Variants in MPDZ observed in about 807,000 individuals in gnomAD.
The protein encoded by MPDZ is multiple PDZ domain protein.
A neutral mutation model predicts 239.1 loss-of-function variants in MPDZ; 234 were observed. The ratio of observed to expected loss-of-function variants is 0.98; its 90% confidence interval spans 0.88 to 1.09. MPDZ has a LOEUF of 1.09. Ranked by LOEUF, MPDZ falls within the 50% of genes least tolerant of loss-of-function variation. The pLI is 0.00. For missense variants in MPDZ, 3,175 were observed against 2,510.0 expected (o/e 1.26, Z -5.66); for synonymous variants, 1,048 against 881.3 (o/e 1.19, Z -3.35).
Position 13,192,260 on chromosome 9 carries a change from TTGG to T in MPDZ, c.1836_1838del (p.His612del). 1 of 1,603,380 alleles carries T rather than the reference TTGG, an allele frequency of 6.2e-7. No individual in the cohort carries two copies. The highest frequency in any genetic ancestry group is 8.5e-7 in the Non-Finnish European group (1 of 1,174,108). ...GTTCTTTTAAGATATTCACCACATC[TTGG>T]TGATTTTCCCCAAGTAAAGTTATGC... On this transcript the variant is annotated inframe_deletion, in exon 15 of 47. Coordinates refer to ENST00000319217, the MANE Select transcript of MPDZ (RefSeq NM_001378778.1).
intron 3 of MPDZ, among the ~76,000 whole-genome samples, chr9:13,236,197 A>ATGTGTG (rs377695828): frequency 0.53 from 39,725 of 74,792 alleles, 12,920 homozygotes; most frequent in East Asian, 0.77. Flanking sequence ...TTCTGTATAT[A>ATGTGTG]TGTGTGTGTG....
In MPDZ at chr9:13,110,705, G is replaced by C. The variant is rs375299659; in HGVS notation, c.5760C>G (p.Ser1920=). The part of the protein sequence containing the change: ...GDRIVTICGT[S]TEGMTHTQAV... ...CTTGGGTGTGAGTCATGCCCTCAGT[G>C]GATGTGCCACAGATGGTGACAATCC... Residue 1920 remains serine, a synonymous_variant, in exon 44 of 47, where the codon TCC becomes TCG. Coordinates refer to ENST00000319217, the MANE Select transcript of MPDZ (RefSeq NM_001378778.1). 4.2e-5 allele frequency: 67 copies of C among 1,613,462 alleles called. No homozygotes were observed. The highest frequency in any genetic ancestry group is 5.3e-5 in the Non-Finnish European group (63 of 1,179,734).
intron 3 of MPDZ, among the ~76,000 whole-genome samples, chr9:13,233,137 T>C (rs1267854481): frequency 3.3e-5 from 5 of 152,076 alleles, no homozygotes; most frequent in African/African-American, 7.2e-5. Context: ...GGAAAACAGT[T>C]TGGCAGAATC....
chr9:13,190,279 C>A lies in MPDZ; in HGVS notation c.1989G>T (p.Glu663Asp), dbSNP rs370785235. ...LTEKPHVDLG[E>D]FIGSSETEDP... ...CCTCTGTCTCTGATGACCCGATGAA[C>A]TCACCTAGATCTACGTGAGGCTGGA... The change falls in exon 16 of 47, where the codon GAG becomes GAT. Residue 663 changes from glutamate (E) to aspartate (D), a missense_variant. Coordinates refer to ENST00000319217, the MANE Select transcript of MPDZ (RefSeq NM_001378778.1). 117 of 1,602,262 alleles carry A rather than the reference C, an allele frequency of 7.3e-5. No individual in the cohort carries two copies. Among genetic ancestry groups the A allele is most frequent in the Non-Finnish European group, 8.7e-5 (102 of 1,175,072 alleles).
rs559124231 is a variant in MPDZ at position 13,230,402 on chromosome 9, C to A, written c.184-5819G>T. On this transcript the variant is annotated intron_variant, in intron 3 of 46. Transcript: ENST00000319217. ...ATAGTGAAAAATTGGAAACAAAATACCCCTCAGTAGGTAAATCCAATAAGA... is the reference window on the plus strand; with the variant it reads ...ATAGTGAAAAATTGGAAACAAAATAACCCTCAGTAGGTAAATCCAATAAGA... Among the ~76,000 whole-genome samples, 4 of 152,158 alleles carry A rather than the reference C, an allele frequency of 2.6e-5. No individual in the cohort carries two copies. The South Asian group carries it at 8.3e-4, about 32-fold the overall frequency.
At chr9:13,112,283 G>T in intron 42 of MPDZ, 137 bp from the exon 43 acceptor site, 1 of 852,970 alleles carries the variant, frequency 1.2e-6, no homozygotes, top group Non-Finnish European at 1.7e-6. Context: ...CAAGAAAACT[G>T]CATTACTTTA....
intron 12 of MPDZ, among the ~76,000 whole-genome samples, chr9:13,200,918 A>G (rs925430727): frequency 1.3e-5 from 2 of 151,976 alleles, no homozygotes; most frequent in Non-Finnish European, 2.9e-5. Flanking sequence ...GTAAATGTCT[A>G]TTGGGTCAAT....
intron 1 of MPDZ, among the ~76,000 whole-genome samples, chr9:13,260,388 T>C (rs1245240006): frequency 1.3e-5 from 2 of 152,162 alleles, no homozygotes; most frequent in Admixed American, 1.3e-4. Flanking sequence ...GGGTTTAGGA[T>C]AAATCCCACC....
At chr9:13,230,419 C>T (rs1365275562) in intron 3 of MPDZ, among the ~76,000 whole-genome samples, 1 of 151,870 alleles carries the variant, frequency 6.6e-6, no homozygotes, top group Non-Finnish European at 1.5e-5. Flanking sequence ...GTAGGTAAAT[C>T]CAATAAGAAA....
intron 19 of MPDZ, among the ~76,000 whole-genome samples, chr9:13,178,546 T>C (rs781033592): frequency 6.6e-6 from 1 of 152,206 alleles, no homozygotes; most frequent in Non-Finnish European, 1.5e-5. Context: ...CAAATTTCAC[T>C]TAAAATGCAA....
chr9:13,176,043 C>T (rs1174144062), intron 20 of MPDZ, 93 bp downstream of exon 20: 2 of 1,438,600 alleles, frequency 1.4e-6, no homozygotes, highest in Non-Finnish European at 1.8e-6. Context: ...TGTCAAGAAG[C>T]ACTCATTCCA....
rs1305858082 is a variant in MPDZ, at chr9:13,205,933, T to C, written c.1457A>G (p.Asn486Ser). ...VTKDADLSPV[N>S]ASIIKENYEK... ...AGGATTACCTTTGATTATGCTGGCA[T>C]TAACAGGAGACAAATCTGCATCTTT... Residue 486 changes from asparagine to serine, a missense_variant, in exon 11 of 47, where the codon AAT (asparagine) becomes AGT (serine). Transcript: ENST00000319217. 1.2e-6 allele frequency: 2 copies of C among 1,603,922 alleles called. No individual in the cohort carries two copies. Among genetic ancestry groups the C allele is most frequent in the African/African-American group, 2.7e-5 (2 of 74,568 alleles).
intron 12 of MPDZ, among the ~76,000 whole-genome samples, chr9:13,203,015 T>A (rs577759399): frequency 1.3e-5 from 2 of 152,298 alleles, no homozygotes; most frequent in African/African-American, 4.8e-5. Flanking sequence ...GAGCAAGATG[T>A]TGTGCTGAAT....
intron 1 of MPDZ, among the ~76,000 whole-genome samples, chr9:13,259,757 G>C (rs772906124): frequency 2.6e-5 from 4 of 152,074 alleles, no homozygotes; most frequent in African/African-American, 9.7e-5. Context: ...AAGGAGAGAC[G>C]GAGAAGATGA....
At chr9:13,198,090 C>T (rs1955882277) in intron 12 of MPDZ, among the ~76,000 whole-genome samples, 1 of 152,094 alleles carries the variant, frequency 6.6e-6, no homozygotes, top group Non-Finnish European at 1.5e-5. Context: ...ATACTGATTT[C>T]CTTTCTTTTG....
In MPDZ at chr9:13,168,209, G is replaced by C. The variant is rs141154176; in HGVS notation, c.3254+157C>G. On this transcript the variant is annotated intron_variant, in intron 22 of 46. Coordinates refer to ENST00000319217, the MANE Select transcript of MPDZ (RefSeq NM_001378778.1). ...TCTCAAAGAAACTAAACTTACAATC[G>C]AGAACTACTCAAAAATAGTCAATTT... Among the ~76,000 whole-genome samples the C allele has an allele frequency of 6.6e-5, 10 of 152,068 alleles. No homozygotes were observed. The East Asian group carries it at 1.4e-3, about 21-fold the overall frequency.
At chr9:13,252,396 T>C (rs1968285062) in intron 1 of MPDZ, among the ~76,000 whole-genome samples, 1 of 151,338 alleles carries the variant, frequency 6.6e-6, no homozygotes, top group Non-Finnish European at 1.5e-5. Context: ...TGAAACCCTG[T>C]CTCTACTAAA....
intron 30 of MPDZ, 135 bp downstream of exon 30, chr9:13,136,577 C>T (rs1946849550): frequency 4.7e-6 from 3 of 635,376 alleles, no homozygotes; most frequent in African/African-American, 3.8e-5. Context: ...CCGCCCGCCT[C>T]AGCCTCCCAA....
chr9:13,176,984 G>A (rs1350210373), intron 19 of MPDZ, among the ~76,000 whole-genome samples: 4 of 152,072 alleles, frequency 2.6e-5, no homozygotes, highest in Non-Finnish European at 4.4e-5. Flanking sequence ...TATTCTGTAC[G>A]ATATAACAGA....
Sources: allele counts gnomAD v4.1 joint callset (sites outside exome capture counted in the v4.1 genomes callset), GRCh38; gene constraint gnomAD v4.1.1; transcripts MANE v1.5; gene names NCBI Gene and HGNC (gene_info 2026-07-23, HGNC 2026-07-21).